The following PISD variants were observed in gnomAD, a reference collection of about 807,000 sequenced individuals.
PISD encodes phosphatidylserine decarboxylase, also known as phosphatidylserine decarboxylase proenzyme, mitochondrial.
Under a neutral mutation model 43.5 loss-of-function variants are expected in PISD, and 31 were observed. The observed-to-expected ratio is 0.71, with a 90% CI of 0.54 to 0.96. The LOEUF (loss-of-function observed/expected upper bound fraction) is 0.96. PISD is among the 40% of genes least tolerant of loss of function. The probability of loss-of-function intolerance (pLI) is 0.00; values close to 1 mark genes in which losing one functional copy is unlikely to be tolerated. For missense variants in PISD, 523 were observed against 548.4 expected (o/e 0.95, Z 0.46); for synonymous variants, 259 against 228.7 (o/e 1.13, Z -1.20).
At chr22:31,646,564 C>T (rs750543670) in intron 3 of PISD, among the ~76,000 whole-genome samples, 4 of 152,118 alleles carry the variant, frequency 2.6e-5, no homozygotes, top group Non-Finnish European at 5.9e-5. Flanking sequence ...TTTTGGGAAA[C>T]CTTTGAAGTG....
intron 1 of PISD, among the ~76,000 whole-genome samples, chr22:31,652,395 T>C (rs892768853): frequency 6.6e-6 from 1 of 151,626 alleles, no homozygotes; most frequent in Non-Finnish European, 1.5e-5. Context: ...CCCGCCAAAG[T>C]GCTGGGATTA....
At chr22:31,646,914 G>A (rs962050156) in intron 3 of PISD, among the ~76,000 whole-genome samples, 7 of 152,008 alleles carry the variant, frequency 4.6e-5, no homozygotes, top group Non-Finnish European at 7.4e-5. Context: ...AGCCCAAGGC[G>A]TACGAACAGG....
At chr22:31,650,913 A>C (rs1275415207) in intron 1 of PISD, 135 bp from the exon 2 acceptor site, 1 of 539,844 alleles carries the variant, frequency 1.9e-6, no homozygotes, top group African/African-American at 1.9e-5. Context: ...TGTACTGTAG[A>C]TAAGAAAATG....
chr22:31,629,416 G>C, intron 3 of PISD: 1 of 157,260 alleles, frequency 6.4e-6, no homozygotes. Flanking sequence ...GTGTGCGTAG[G>C]TGTGAGGTTA....
At chr22:31,656,447 G>A (rs969315142) in intron 1 of PISD, among the ~76,000 whole-genome samples, 10 of 151,930 alleles carry the variant, frequency 6.6e-5, no homozygotes, top group South Asian at 2.1e-4. Flanking sequence ...TCAGGAGTTC[G>A]AGACCGGCCT....
At position 31,621,138 on chromosome 22, in the gene PISD, C is replaced by T. The variant is rs199743543; in HGVS notation, c.702G>A (p.Ala234=). The change falls in exon 6 of 8, where the codon GCG becomes GCA. Residue 234 remains alanine, a synonymous_variant. Coordinates refer to ENST00000439502, the MANE Select transcript of PISD (RefSeq NM_001326411.2). ...GCTGGTTCTTGAAGGAGTCACACGA[C>T]GCGGCTGTGGAGTAGGAGCAGACGT... ...CTEDLPFPPA[A]SCDSFKNQLV... is the part of the protein sequence containing the mutation. 66 of 1,614,176 alleles carry T rather than the reference C, an allele frequency of 4.1e-5. No homozygotes were observed. Among genetic ancestry groups the T allele is most frequent in the Middle Eastern group, 1.7e-4 (1 of 6,060 alleles).
chr22:31,624,865 C>A (rs542910338), intron 3 of PISD, among the ~76,000 whole-genome samples: 1 of 152,138 alleles, frequency 6.6e-6, no homozygotes, highest in African/African-American at 2.4e-5. Context: ...TCACCAGAGC[C>A]GCAGAGGCTG....
intron 1 of PISD, among the ~76,000 whole-genome samples, chr22:31,652,628 G>C (rs112814832): frequency 5.3e-5 from 8 of 151,510 alleles, no homozygotes; most frequent in African/African-American, 1.9e-4. Flanking sequence ...CCAACATGGT[G>C]CAACCCCGTC....
intron 1 of PISD, among the ~76,000 whole-genome samples, chr22:31,652,413 G>A (rs752199570): frequency 1.8e-4 from 28 of 152,074 alleles, no homozygotes; most frequent in Non-Finnish European, 3.8e-4. Flanking sequence ...TTACAGATGT[G>A]AGCCACAGCA....
chr22:31,645,186 G>A (rs1005508736), intron 3 of PISD, among the ~76,000 whole-genome samples: 1 of 152,126 alleles, frequency 6.6e-6, no homozygotes, highest in East Asian at 1.9e-4. Flanking sequence ...AAAGTTACCC[G>A]CAGGCTATGT....
intron 1 of PISD, among the ~76,000 whole-genome samples, chr22:31,656,492 T>C (rs1258003766): frequency 6.6e-6 from 1 of 151,042 alleles, no homozygotes; most frequent in Non-Finnish European, 1.5e-5. Context: ...CTACTAAAAA[T>C]ACAAAAATTA....
intron 3 of PISD, among the ~76,000 whole-genome samples, chr22:31,646,336 A>AT (rs1189049292): frequency 6.6e-6 from 1 of 152,136 alleles, no homozygotes; most frequent in African/African-American, 2.4e-5. Context: ...GTGCTTTGAG[A>AT]TCTCACACTG....
At chr22:31,629,200 AGGTTG>A in intron 3 of PISD, 3 of 985,328 alleles carry the variant, frequency 3.0e-6, no homozygotes, top group African/African-American at 3.5e-5. Context: ...CAGTTACTAC[AGGTTG>A]GGTTGGGGCC....
intron 3 of PISD, chr22:31,628,147 G>C (rs1407409878): frequency 2.0e-6 from 2 of 985,580 alleles, no homozygotes; most frequent in Non-Finnish European, 1.2e-6. Context: ...AAGATCGCCA[G>C]GGAGGAAAAT....
chr22:31,620,128 G>A (rs540586531), intron 7 of PISD, among the ~76,000 whole-genome samples: 9 of 152,352 alleles, frequency 5.9e-5, no homozygotes, highest in African/African-American at 1.9e-4. Context: ...AGCCAAGGCC[G>A]TTGGTCACAA....
intron 3 of PISD, among the ~76,000 whole-genome samples, chr22:31,645,989 A>T (rs1246698483): frequency 6.6e-6 from 1 of 152,112 alleles, no homozygotes; most frequent in Admixed American, 6.6e-5. Context: ...CCAAAAAAAA[A>T]TCCAAAACAC....
At chr22:31,623,635 G>A (rs901300788) in intron 3 of PISD, 1 of 1,558,832 alleles carries the variant, frequency 6.4e-7, no homozygotes, top group Non-Finnish European at 8.7e-7. Context: ...CCCAACCTCA[G>A]GCCTGCCCGG....
At chr22:31,634,137 G>A (rs1278704097) in intron 3 of PISD, among the ~76,000 whole-genome samples, 2 of 152,244 alleles carry the variant, frequency 1.3e-5, no homozygotes, top group Non-Finnish European at 2.9e-5. Context: ...GATGCCCTGT[G>A]CCAGGGAACA....
rs747470390 is a variant in PISD, at chr22:31,625,851, G to A, written c.322-3966C>T. 13 of 1,577,036 alleles carry A rather than the reference G, an allele frequency of 8.2e-6. No homozygotes were observed. The African/African-American group carries it at 1.3e-4, about 16-fold the overall frequency. Reference sequence around the variant, plus strand: ...AGGGAGGGCGGGGCGAGGCTCACTCGATCACTCCCTTTGTTTTCCTCTTTC... The same window carrying A: ...AGGGAGGGCGGGGCGAGGCTCACTCAATCACTCCCTTTGTTTTCCTCTTTC... On this transcript the variant is annotated intron_variant, in intron 3 of 7. Coordinates refer to ENST00000439502, the MANE Select transcript of PISD (RefSeq NM_001326411.2).
Sources: allele counts gnomAD v4.1 joint callset (sites outside exome capture counted in the v4.1 genomes callset), GRCh38; gene constraint gnomAD v4.1.1; transcripts MANE v1.5; gene names NCBI Gene and HGNC (gene_info 2026-07-23, HGNC 2026-07-21).